Variants in MAPK8IP3 observed in about 807,000 individuals in gnomAD.
MAPK8IP3 encodes the protein C-Jun-amino-terminal kinase-interacting protein 3.
Under a neutral mutation model 157.8 loss-of-function variants are expected in MAPK8IP3, and 49 were observed. That is an observed-to-expected ratio of 0.31 (90% CI 0.25 to 0.39). The LOEUF is 0.39. Among genes scored for constraint, MAPK8IP3 ranks in the 10% least tolerant of loss-of-function variants. The probability of loss-of-function intolerance (pLI) is 1.00; values close to 1 mark genes in which losing one functional copy is unlikely to be tolerated. For missense variants in MAPK8IP3, 1,478 were observed against 1,889.4 expected (o/e 0.78, Z 4.04); for synonymous variants, 897 against 777.7 (o/e 1.15, Z -2.55).
At position 1,706,195 on chromosome 16, in the gene MAPK8IP3, A is replaced by C; in HGVS notation, c.-145A>C. On this transcript the variant is annotated 5_prime_UTR_variant, in exon 1 of 32. Transcript: ENST00000610761. The surrounding 1 kb of genome is among the most constrained non-coding windows in gnomAD (Gnocchi z 5.1). ...CTTCCGGTGAGTGAGTGACGGGCGC[A>C]GCCTCGGCAGCGGCGGCGGCGGAGC... 1 of 593,418 alleles carries C rather than the reference A, an allele frequency of 1.7e-6. No individual in the cohort carries two copies. The highest frequency in any genetic ancestry group is 2.5e-6 in the Non-Finnish European group (1 of 407,172). 36.8% of individuals were successfully genotyped at this position (593,418 alleles called of 1,614,324 possible). A position where few individuals can be genotyped will look rare whatever the true frequency, so the allele number is the denominator to read the frequency against.
At chr16:1,736,461 C>G (rs562404455) in intron 4 of MAPK8IP3, among the ~76,000 whole-genome samples, 1 of 32,366 alleles carries the variant, frequency 3.1e-5, no homozygotes, top group African/African-American at 2.0e-4. Context: ...AGCGTGTGAC[C>G]ATCCATGTGA....
At chr16:1,767,118 G>C (rs773723212) in intron 25 of MAPK8IP3, 31 bp from the exon 26 acceptor site, 2 of 1,611,506 alleles carry the variant, frequency 1.2e-6, no homozygotes, top group Non-Finnish European at 1.7e-6. Context: ...GGCCTGGCCA[G>C]GCCTGAGCAG....
In MAPK8IP3 at chr16:1,758,963, G is replaced by T; in HGVS notation, c.1229-15G>T. 6.2e-7 allele frequency: 1 copy of T among 1,614,126 alleles called. No individual in the cohort carries two copies. Among genetic ancestry groups the T allele is most frequent in the South Asian group, 1.1e-5 (1 of 91,078 alleles). On this transcript the variant is annotated splice_polypyrimidine_tract_variant and intron_variant, in intron 9 of 31. Coordinates refer to ENST00000610761, the MANE Select transcript of MAPK8IP3 (RefSeq NM_001318852.2). ...CTGGTTGCCCATCTCCTGTGGGACG[G>T]GGACGGCTCCCTAGTGCGCGATGAT...
chr16:1,729,033 G>A (rs1447367611), intron 2 of MAPK8IP3, 105 bp from the exon 3 acceptor site: 1 of 1,118,178 alleles, frequency 8.9e-7, no homozygotes, highest in Non-Finnish European at 1.4e-6. Flanking sequence ...AGGACCCAGA[G>A]TCCCAGCCTT....
At chr16:1,717,406 G>A (rs1408964561) in intron 1 of MAPK8IP3, among the ~76,000 whole-genome samples, 1 of 152,202 alleles carries the variant, frequency 6.6e-6, no homozygotes, top group African/African-American at 2.4e-5. Context: ...ACCTAGATGT[G>A]AGAGTTGTTT....
At chr16:1,761,513 G>A (rs1372541056) in intron 13 of MAPK8IP3, among the ~76,000 whole-genome samples, 2 of 147,674 alleles carry the variant, frequency 1.4e-5, no homozygotes, top group Non-Finnish European at 3.0e-5. Flanking sequence ...CAGGCGGGGC[G>A]GCCACCATTC....
At position 1,743,294 on chromosome 16, in the gene MAPK8IP3, C is replaced by T; in HGVS notation, c.603-38C>T. On this transcript the variant is annotated intron_variant, in intron 4 of 31. Transcript: ENST00000610761. The surrounding 1 kb of genome is among the most constrained non-coding windows in gnomAD (Gnocchi z 5.6). ...CTTGGGAAATCTTCACGGCCACCCT[C>T]TAACCATCGCTTCCTCTCCTCTCGC... is the stretch of plus-strand genomic sequence containing the variant. 2 of 1,520,528 alleles carry T rather than the reference C, an allele frequency of 1.3e-6. No individual in the cohort carries two copies. The highest frequency in any genetic ancestry group is 8.8e-7 in the Non-Finnish European group (1 of 1,141,866). The allele number at this position is 1,520,528 out of a possible 1,614,324, so 94.2% of individuals were successfully genotyped here.
At chr16:1,740,388 G>T (rs537175655) in intron 4 of MAPK8IP3, among the ~76,000 whole-genome samples, 79 of 149,816 alleles carry the variant, frequency 5.3e-4, no homozygotes, top group African/African-American at 1.9e-3. Flanking sequence ...CCGTGTAAGC[G>T]TGTGACCGTC....
At chr16:1,752,795 G>T (rs1188946380) in intron 8 of MAPK8IP3, among the ~76,000 whole-genome samples, 1 of 151,618 alleles carries the variant, frequency 6.6e-6, no homozygotes, top group African/African-American at 2.4e-5. Flanking sequence ...AAGTCAGGCA[G>T]TCCTGATGAG....
intron 8 of MAPK8IP3, among the ~76,000 whole-genome samples, chr16:1,753,744 C>A (rs541539098): frequency 1.3e-5 from 2 of 151,276 alleles, no homozygotes; most frequent in East Asian, 3.9e-4. Flanking sequence ...CCCAGCCCCA[C>A]GTACCATTAT....
Position 1,742,860 on chromosome 16 carries a change from C to T in MAPK8IP3, c.603-472C>T, listed in dbSNP as rs373234934. 5.3e-5 allele frequency among the ~76,000 whole-genome samples: 8 copies of T among 152,118 alleles called. No homozygotes were observed. Among genetic ancestry groups the T allele is most frequent in the African/African-American group, 7.2e-5 (3 of 41,408 alleles). On this transcript the variant is annotated intron_variant, in intron 4 of 31. Transcript: ENST00000610761. The surrounding 1 kb of genome is among the most constrained non-coding windows in gnomAD (Gnocchi z 5.0). ...AACTTAGGCCGGGCGCGGTGGCTCA[C>T]GCCTGTAATCCCAGCACTGTGGGAG...
At chr16:1,715,705 A>T (rs1300328371) in intron 1 of MAPK8IP3, among the ~76,000 whole-genome samples, 4 of 152,052 alleles carry the variant, frequency 2.6e-5, no homozygotes, top group African/African-American at 9.7e-5. Flanking sequence ...AGCCTGGCCT[A>T]ACAAACGTAT....
chr16:1,731,492 A>T (rs1260800050), intron 4 of MAPK8IP3, among the ~76,000 whole-genome samples: 1 of 152,142 alleles, frequency 6.6e-6, no homozygotes, highest in Non-Finnish European at 1.5e-5. Flanking sequence ...CGGAGAGGAG[A>T]CAGGAGGGCC....
At position 1,710,149 on chromosome 16, in the gene MAPK8IP3, C is replaced by T. The variant is rs536315910; in HGVS notation, c.318+3492C>T. Among the ~76,000 whole-genome samples the T allele has an allele frequency of 3.3e-5, 5 of 152,158 alleles. No homozygotes were observed. The South Asian group carries it at 8.3e-4, about 25-fold the overall frequency. ...CTGAGGCAGGCGAGAGATGAGGTCA[C>T]GCTATGTTGCCCAGGCTGGTCTCAA... On this transcript the variant is annotated intron_variant, in intron 1 of 31. Coordinates refer to ENST00000610761, the MANE Select transcript of MAPK8IP3 (RefSeq NM_001318852.2). This position sits in a 1 kb window ranked among gnomAD's most constrained non-coding sequence, Gnocchi z 4.1.
rs1417936158 is a variant in MAPK8IP3 at position 1,737,156 on chromosome 16, C to A, written c.603-6176C>A. 2.8e-5 allele frequency among the ~76,000 whole-genome samples: 2 copies of A among 71,872 alleles called. 1 individual carries two copies. The highest frequency in any genetic ancestry group is 1.1e-4 in the African/African-American group (2 of 17,676). 47.2% of individuals were successfully genotyped at this position (71,872 alleles called of 152,430 possible). A position where few individuals can be genotyped will look rare whatever the true frequency, so the allele number is the denominator to read the frequency against. On this transcript the variant is annotated intron_variant, in intron 4 of 31. Transcript: ENST00000610761. Reference sequence around the variant, plus strand: ...TGAGCATGTGACCATCCGTGACCGTCCGTGTGAGCATCCGTGTGAGCGTGT... The same window carrying A: ...TGAGCATGTGACCATCCGTGACCGTACGTGTGAGCATCCGTGTGAGCGTGT...
intron 12 of MAPK8IP3, among the ~76,000 whole-genome samples, chr16:1,760,889 C>G (rs914281731): frequency 6.6e-6 from 1 of 152,212 alleles, no homozygotes; most frequent in Non-Finnish European, 1.5e-5. Flanking sequence ...GCTCCGAGAC[C>G]ATGCCTCTGC....
intron 4 of MAPK8IP3, among the ~76,000 whole-genome samples, chr16:1,737,283 TGA>T (rs541115888): frequency 0.012 from 1,012 of 87,416 alleles, 86 homozygotes; most frequent in African/African-American, 0.048. Context: ...AGCGTCCGTG[TGA>T]GTGTGACCAT....
chr16:1,748,558 G>A, intron 7 of MAPK8IP3, 44 bp from the exon 8 acceptor site: 2 of 1,505,112 alleles, frequency 1.3e-6, no homozygotes, highest in Non-Finnish European at 1.8e-6. Context: ...ACTCCGGGCT[G>A]CCCACTGACT....
chr16:1,714,092 C>CCA (rs1244035683), intron 1 of MAPK8IP3: 2 of 152,282 alleles, frequency 1.3e-5, no homozygotes, highest in African/African-American at 4.8e-5. Context: ...CTGACATCTT[C>CCA]CACTCGGTAC....
Sources: gnomAD v4.1 joint callset for allele counts (sites outside exome capture counted in the v4.1 genomes callset) on GRCh38, gnomAD v4.1.1 for gene constraint, Gnocchi (gnomAD v3.1) non-coding constraint, MANE v1.5 for transcripts, NCBI Gene and HGNC (gene_info 2026-07-23, HGNC 2026-07-21) for gene names.